TTC29: variants seen among roughly 807,000 people sequenced by gnomAD.
The protein encoded by TTC29 is tetratricopeptide repeat protein 29.
Under a neutral mutation model 58.1 loss-of-function variants are expected in TTC29, and 49 were observed. The ratio of observed to expected loss-of-function variants is 0.84; its 90% confidence interval spans 0.67 to 1.07. TTC29 has a LOEUF of 1.07. Ranked by LOEUF, TTC29 falls within the 50% of genes least tolerant of loss-of-function variation. The probability of loss-of-function intolerance (pLI) is 0.00; values close to 1 mark genes in which losing one functional copy is unlikely to be tolerated. For missense variants in TTC29, 582 were observed against 555.6 expected (o/e 1.05, Z -0.48); for synonymous variants, 209 against 196.8 (o/e 1.06, Z -0.52).
intron 11 of TTC29, among the ~76,000 whole-genome samples, chr4:146,800,348 A>G (rs78570540): frequency 0.061 from 9,247 of 152,258 alleles, 389 homozygotes; most frequent in Admixed American, 0.13. Flanking sequence ...CTCTGAGCTA[A>G]TGATTTGTTT....
intron 10 of TTC29, among the ~76,000 whole-genome samples, chr4:146,805,108 C>T (rs1750509852): frequency 6.6e-6 from 1 of 152,150 alleles, no homozygotes; most frequent in African/African-American, 2.4e-5. Flanking sequence ...TGGAGTGCAC[C>T]TCCAGCAAAC....
intron 10 of TTC29, among the ~76,000 whole-genome samples, chr4:146,818,288 C>T (rs71616511): frequency 0.025 from 3,828 of 152,282 alleles, 62 homozygotes; most frequent in Non-Finnish European, 0.037. Context: ...TGAACAGACA[C>T]TTCTCAAAAG....
At chr4:146,930,097 A>ATATATG (rs1478958571) in intron 4 of TTC29, among the ~76,000 whole-genome samples, 2 of 119,014 alleles carry the variant, frequency 1.7e-5, no homozygotes, top group Non-Finnish European at 3.4e-5. Context: ...ATATATATAT[A>ATATATG]TATATATATA....
chr4:146,900,942 T>C (rs908664807), intron 6 of TTC29, among the ~76,000 whole-genome samples: 1 of 152,226 alleles, frequency 6.6e-6, no homozygotes, highest in African/African-American at 2.4e-5. Context: ...GCTATCTGAA[T>C]CTCACTGCAG....
chr4:146,791,758 CA>C (rs1749472221), intron 11 of TTC29, among the ~76,000 whole-genome samples: 1 of 152,040 alleles, frequency 6.6e-6, no homozygotes, highest in Admixed American at 6.6e-5. Context: ...GTTGTGAATA[CA>C]AGAGAAAAGA....
chr4:146,794,291 C>A (rs1749677233), intron 11 of TTC29, among the ~76,000 whole-genome samples: 1 of 152,038 alleles, frequency 6.6e-6, no homozygotes, highest in South Asian at 2.1e-4. Context: ...CTCATCCATG[C>A]CTACTAAGAT....
intron 11 of TTC29, among the ~76,000 whole-genome samples, chr4:146,780,302 G>GTGGTGT: frequency 7.2e-6 from 1 of 138,542 alleles, no homozygotes; most frequent in East Asian, 2.2e-4. Flanking sequence ...CCTAACTTGG[G>GTGGTGT]GTGTGTGTGT....
chr4:146,745,715 T>G (rs1206173151), intron 11 of TTC29, among the ~76,000 whole-genome samples: 1 of 152,222 alleles, frequency 6.6e-6, no homozygotes, highest in Admixed American at 6.5e-5. Context: ...CCACATTGAC[T>G]CTTACGCTGT....
chr4:146,917,921 C>T (rs895804277), intron 4 of TTC29, among the ~76,000 whole-genome samples: 1 of 149,626 alleles, frequency 6.7e-6, no homozygotes, highest in African/African-American at 2.4e-5. Flanking sequence ...AAAAATATTA[C>T]CAAAAAGTCA....
intron 11 of TTC29, among the ~76,000 whole-genome samples, chr4:146,780,314 T>TGTGC (rs1364697513): frequency 3.2e-4 from 47 of 148,686 alleles, no homozygotes; most frequent in African/African-American, 1.1e-3. Flanking sequence ...TGTGTGTGTG[T>TGTGC]GTGTGTGTGT....
intron 6 of TTC29, among the ~76,000 whole-genome samples, chr4:146,884,188 G>A (rs1244608886): frequency 6.6e-6 from 1 of 152,084 alleles, no homozygotes; most frequent in East Asian, 1.9e-4. Flanking sequence ...AAATAGGAAT[G>A]CTAATCCACT....
chr4:146,926,316 T>C (rs1269607160), intron 4 of TTC29, among the ~76,000 whole-genome samples: 1 of 152,148 alleles, frequency 6.6e-6, no homozygotes, highest in Non-Finnish European at 1.5e-5. Flanking sequence ...GCATCTTCCT[T>C]TTTGCCCAGT....
intron 11 of TTC29, among the ~76,000 whole-genome samples, chr4:146,787,254 T>C (rs899988133): frequency 1.3e-5 from 2 of 152,184 alleles, no homozygotes; most frequent in African/African-American, 4.8e-5. Flanking sequence ...AGTAGTTTAT[T>C]TGGGTTGTTA....
chr4:146,941,068 T>C (rs10021652), intron 2 of TTC29, among the ~76,000 whole-genome samples: 70,685 of 152,046 alleles, frequency 0.46, 17,128 homozygotes, highest in African/African-American at 0.59. Flanking sequence ...CTAAATCCTA[T>C]TCCAAAGAGG....
In TTC29 at chr4:146,874,947, T is replaced by G. The variant is rs1460187098; in HGVS notation, c.587-19A>C. The G allele has an allele frequency of 1.9e-6, 3 of 1,603,396 alleles. No individual in the cohort carries two copies. The South Asian group carries it at 3.3e-5, about 18-fold the overall frequency. On this transcript the variant is annotated intron_variant, in intron 6 of 12. Transcript: ENST00000325106. ...AGCTGACCTGGAGAATAAAAGCCAT[T>G]CATAAGTATAAACCAGAGGACGGAA... is the stretch of plus-strand genomic sequence containing the variant.
intron 11 of TTC29, among the ~76,000 whole-genome samples, chr4:146,797,801 T>C (rs1749924743): frequency 6.8e-6 from 1 of 148,074 alleles, no homozygotes; most frequent in African/African-American, 2.5e-5. Context: ...AAATCAAATT[T>C]GTAAAACAAC....
intron 7 of TTC29, among the ~76,000 whole-genome samples, chr4:146,868,742 A>T (rs60105943): frequency 0.071 from 10,741 of 152,062 alleles, 484 homozygotes; most frequent in Admixed American, 0.13. Context: ...ATCTAACCTT[A>T]GTTTTTGGTC....
At chr4:146,793,536 T>TAAC (rs1345472068) in intron 11 of TTC29, among the ~76,000 whole-genome samples, 3 of 152,132 alleles carry the variant, frequency 2.0e-5, no homozygotes, top group African/African-American at 7.2e-5. Context: ...AGTGTAAGCA[T>TAAC]AACTTTTATA....
intron 8 of TTC29, among the ~76,000 whole-genome samples, chr4:146,854,725 TACCCTCCTA>T (rs1181581616): frequency 1.3e-5 from 2 of 152,204 alleles, no homozygotes; most frequent in Admixed American, 6.5e-5. Flanking sequence ...CACACCAGCT[TACCCTCCTA>T]ACTGCAGTTC....
Sources: gnomAD v4.1 joint callset for allele counts (sites outside exome capture counted in the v4.1 genomes callset) on GRCh38, gnomAD v4.1.1 for gene constraint, MANE v1.5 for transcripts, NCBI Gene and HGNC (gene_info 2026-07-23, HGNC 2026-07-21) for gene names.